DSE: variants seen among roughly 807,000 people sequenced by gnomAD.
The protein encoded by DSE is dermatan sulfate epimerase.
DSE carries 36 observed loss-of-function variants against 84.4 expected under a neutral mutation model. The observed-to-expected ratio is 0.43, with a 90% CI of 0.33 to 0.56. DSE has a LOEUF of 0.56. Ranked by LOEUF, DSE falls within the 20% of genes least tolerant of loss-of-function variation. The pLI is 0.06. For synonymous variants in DSE, 410 were observed against 430.1 expected (o/e 0.95, Z 0.58); for missense variants, 862 against 1,169.6 (o/e 0.74, Z 3.84).
At chr6:116,401,639 C>G (rs986453595) in intron 2 of DSE, among the ~76,000 whole-genome samples, 1 of 152,074 alleles carries the variant, frequency 6.6e-6, no homozygotes, top group African/African-American at 2.4e-5. Context: ...AACTACCACA[C>G]CCAACCCTTA....
chr6:116,316,585 T>G (rs1460457870), intron 2 of DSE, among the ~76,000 whole-genome samples: 1 of 151,878 alleles, frequency 6.6e-6, no homozygotes, highest in Non-Finnish European at 1.5e-5. Context: ...ATTTAAATAA[T>G]TTTGTCAAAG....
chr6:116,285,291 T>A (rs1773816877), intron 2 of DSE, among the ~76,000 whole-genome samples: 1 of 152,240 alleles, frequency 6.6e-6, no homozygotes, highest in Non-Finnish European at 1.5e-5. Flanking sequence ...CATTTTTTCA[T>A]GTGTCTGTAG....
intron 2 of DSE, chr6:116,279,865 C>G (rs1289754518): frequency 6.2e-7 from 1 of 1,612,938 alleles, no homozygotes; most frequent in East Asian, 2.2e-5. Context: ...AGGCGAACGC[C>G]CGTTTTCCTC....
chr6:116,354,959 G>A (rs1778499175), intron 2 of DSE, among the ~76,000 whole-genome samples: 1 of 152,138 alleles, frequency 6.6e-6, no homozygotes, highest in Non-Finnish European at 1.5e-5. Flanking sequence ...TGACACTGGT[G>A]TCAATTTCAC....
intron 4 of DSE, 169 bp from the exon 5 acceptor site, chr6:116,433,174 C>T: frequency 1.5e-6 from 1 of 670,970 alleles, no homozygotes; most frequent in South Asian, 2.0e-5. Flanking sequence ...TTGAGGGATT[C>T]TGACTAACTG....
intron 2 of DSE, among the ~76,000 whole-genome samples, chr6:116,263,535 A>G (rs776819575): frequency 5.3e-5 from 8 of 152,156 alleles, no homozygotes; most frequent in South Asian, 2.1e-4. Context: ...CAGCATACCA[A>G]TAAGTCTTGA....
chr6:116,392,379 T>C (rs1780965538), intron 1 of DSE, among the ~76,000 whole-genome samples: 1 of 152,160 alleles, frequency 6.6e-6, no homozygotes. Context: ...AACATTCATT[T>C]GTCGGGTCTG....
intron 2 of DSE, among the ~76,000 whole-genome samples, chr6:116,270,874 G>A (rs971140306): frequency 4.6e-5 from 7 of 152,084 alleles, no homozygotes; most frequent in East Asian, 1.9e-4. Context: ...TGTTACCTTC[G>A]TCTTGGATAA....
At chr6:116,254,967 G>T (rs1264174518) in intron 1 of DSE, 3 of 152,234 alleles carry the variant, frequency 2.0e-5, no homozygotes, top group Non-Finnish European at 4.4e-5. Context: ...GCTATGTGCA[G>T]GCATCTATGC....
At chr6:116,381,402 C>T (rs550459563) in intron 1 of DSE, among the ~76,000 whole-genome samples, 11 of 152,094 alleles carry the variant, frequency 7.2e-5, no homozygotes, top group Non-Finnish European at 1.5e-4. Flanking sequence ...GACTGTTGCT[C>T]ATTTTGCTGA....
rs1784475859 is a variant in DSE, at chr6:116,442,999, A to G, written c.*5654A>G. On this transcript the variant is annotated 3_prime_UTR_variant, in exon 6 of 6. Transcript: ENST00000644252. The stretch of plus-strand genomic sequence containing the variant: ...GGGAGGGGGTACCCTCTGCTTAGAA[A>G]TCGCTGCAAGCAATGGCAAGCCATT... The G allele has an allele frequency of 6.6e-6, 1 of 152,228 alleles. No individual in the cohort carries two copies. Among genetic ancestry groups the G allele is most frequent in the Non-Finnish European group, 1.5e-5 (1 of 68,062 alleles). The allele number at this position is 152,228 out of a possible 1,614,324, so 9.4% of individuals were successfully genotyped here. A position where few individuals can be genotyped will look rare whatever the true frequency, so the allele number is the denominator to read the frequency against.
chr6:116,415,351 C>T (rs1782629935), intron 2 of DSE, among the ~76,000 whole-genome samples: 3 of 152,176 alleles, frequency 2.0e-5, no homozygotes, highest in Admixed American at 1.3e-4. Context: ...TGATATTCCA[C>T]TCTGAAGCAT....
At position 116,399,588 on chromosome 6, in the gene DSE, G is replaced by C. The variant is rs1467803225; in HGVS notation, c.338G>C (p.Cys113Ser). ...AACTTGGGTGCCTTGGCAATGTTCT[G>C]TGTGCTGTATCCTGAGAACATTGAA... is the stretch of plus-strand genomic sequence containing the variant. ...GNNLGALAMF[C>S]VLYPENIEAR... Residue 113 changes from cysteine to serine, a missense_variant, in exon 2 of 6, where the codon TGT becomes TCT. Around this residue, in one of 4 missense-constraint regions of DSE, gnomAD observed 309 missense variants for 516.9 expected, o/e 0.60. Transcript: ENST00000644252. 1 of 1,614,226 alleles carries C rather than the reference G, an allele frequency of 6.2e-7. No homozygotes were observed. The highest frequency in any genetic ancestry group is 8.5e-7 in the Non-Finnish European group (1 of 1,180,046).
chr6:116,377,890 C>T (rs1364192144), intron 1 of DSE, among the ~76,000 whole-genome samples: 1 of 152,110 alleles, frequency 6.6e-6, no homozygotes, highest in Non-Finnish European at 1.5e-5. Context: ...CAGACTATAT[C>T]CAATGAATTT....
intron 2 of DSE, among the ~76,000 whole-genome samples, chr6:116,324,650 A>G (rs1347441541): frequency 6.6e-6 from 1 of 152,220 alleles, no homozygotes; most frequent in Non-Finnish European, 1.5e-5. Context: ...TTAAACAGCA[A>G]TGGTAGAACA....
At chr6:116,278,629 C>T (rs754392904) in intron 2 of DSE, 1 of 1,614,134 alleles carries the variant, frequency 6.2e-7, no homozygotes, top group Non-Finnish European at 8.5e-7. Context: ...TGGATTTGGC[C>T]ACAGATCCTC....
At chr6:116,260,033 T>A (rs1772345221) in intron 2 of DSE, among the ~76,000 whole-genome samples, 1 of 152,224 alleles carries the variant, frequency 6.6e-6, no homozygotes, top group African/African-American at 2.4e-5. Flanking sequence ...CCAAACAATC[T>A]GTCTGTTTTG....
intron 2 of DSE, among the ~76,000 whole-genome samples, chr6:116,274,582 A>G (rs913581090): frequency 6.8e-6 from 1 of 148,024 alleles, no homozygotes; most frequent in Non-Finnish European, 1.5e-5. Context: ...CTCTGTCTCA[A>G]AAAAAAAAAA....
chr6:116,392,760 A>G (rs1401784293), intron 1 of DSE, among the ~76,000 whole-genome samples: 1 of 152,208 alleles, frequency 6.6e-6, no homozygotes, highest in African/African-American at 2.4e-5. Context: ...CTTGTTCACC[A>G]GACAGTTATC....
Sources: allele counts gnomAD v4.1 joint callset (sites outside exome capture counted in the v4.1 genomes callset), GRCh38; gene constraint gnomAD v4.1.1; regional missense constraint gnomAD v4.1.1; transcripts MANE v1.5; gene names NCBI Gene and HGNC (gene_info 2026-07-23, HGNC 2026-07-21).